The following C2CD3 variants were observed in gnomAD, a reference collection of about 807,000 sequenced individuals.
The protein encoded by C2CD3 is C2 domain containing 3 centriole elongation regulator.
Under a neutral mutation model 234.0 loss-of-function variants are expected in C2CD3, and 148 were observed. That is an observed-to-expected ratio of 0.63 (90% CI 0.55 to 0.72). C2CD3 has a LOEUF of 0.72. Ranked by LOEUF, C2CD3 falls within the 30% of genes least tolerant of loss-of-function variation. The pLI, the probability that C2CD3 is intolerant of heterozygous loss-of-function variation, is 0.00. For missense variants in C2CD3, 2,577 were observed against 2,811.5 expected, an observed-to-expected ratio of 0.92 and a Z score of 1.89; for synonymous variants, 1,000 against 1,035.4, an observed-to-expected ratio of 0.97 and a Z score of 0.66.
chr11:74,054,453 C>T (rs987724505), intron 26 of C2CD3, among the ~76,000 whole-genome samples, 154 bp downstream of exon 26: 1 of 146,866 alleles, frequency 6.8e-6, no homozygotes, highest in African/African-American at 2.5e-5. Flanking sequence ...GGGGGATTAC[C>T]CTCTACCACA....
In C2CD3 at chr11:74,116,890, G is replaced by GTATATATACACACGTGTATGTATATA. The variant is rs1247868857; in HGVS notation, c.1520+1312_1520+1337dup. Among the ~76,000 whole-genome samples the GTATATATACACACGTGTATGTATATA allele has an allele frequency of 5.3e-5, 6 of 112,642 alleles. No homozygotes were observed. The South Asian group carries it at 1.1e-3, about 22-fold the overall frequency. 73.9% of individuals were successfully genotyped at this position (112,642 alleles called of 152,430 possible). A position where few individuals can be genotyped will look rare whatever the true frequency, so the allele number is the denominator to read the frequency against. Reference sequence around the variant, plus strand: ...CGTGTATATGTATATATACACACGTGTATATATACACACGTGTATGTATAT... The same window carrying GTATATATACACACGTGTATGTATATA: ...CGTGTATATGTATATATACACACGTGTATATATACACACGTGTATGTATATATATATATACACACGTGTATGTATAT... On this transcript the variant is annotated intron_variant, in intron 9 of 32. Transcript: ENST00000334126.
chr11:74,057,273 A>G, intron 25 of C2CD3, 133 bp downstream of exon 25: 1 of 856,644 alleles, frequency 1.2e-6, no homozygotes, highest in Non-Finnish European at 1.9e-6. Flanking sequence ...CTAGGATTAA[A>G]TAATTGCTTG....
At chr11:74,146,959 A>C (rs1004001048) in intron 3 of C2CD3, among the ~76,000 whole-genome samples, 1 of 152,116 alleles carries the variant, frequency 6.6e-6, no homozygotes, top group African/African-American at 2.4e-5. Flanking sequence ...AGGCTGAGGC[A>C]GGAGAATTGC....
At chr11:74,117,367 T>TATATATATATATATATATAC (rs1957058540) in intron 9 of C2CD3, among the ~76,000 whole-genome samples, 2 of 65,592 alleles carry the variant, frequency 3.0e-5, no homozygotes, top group African/African-American at 2.5e-4. Flanking sequence ...CTCAAATATA[T>TATATATATATATATATATAC]ATATATATAT....
At chr11:74,079,438 G>A (rs1955230001) in intron 22 of C2CD3, among the ~76,000 whole-genome samples, 1 of 151,746 alleles carries the variant, frequency 6.6e-6, no homozygotes, top group African/African-American at 2.4e-5. Flanking sequence ...TGATACCCAG[G>A]CTGGTCTTGA....
chr11:74,089,268 A>G (rs1955783483), intron 20 of C2CD3, among the ~76,000 whole-genome samples: 1 of 152,154 alleles, frequency 6.6e-6, no homozygotes, highest in South Asian at 2.1e-4. Flanking sequence ...ATACCCATAT[A>G]ACAAATCTGC....
intron 11 of C2CD3, among the ~76,000 whole-genome samples, chr11:74,109,904 C>T (rs1212617953): frequency 6.7e-6 from 1 of 149,414 alleles, no homozygotes; most frequent in Non-Finnish European, 1.5e-5. Flanking sequence ...AACCCCGTCT[C>T]TACTAAAAAT....
At chr11:74,144,923 T>C (rs1393045139) in intron 3 of C2CD3, among the ~76,000 whole-genome samples, 1 of 152,228 alleles carries the variant, frequency 6.6e-6, no homozygotes, top group Non-Finnish European at 1.5e-5. Context: ...CATGTGCATA[T>C]GTCTTTGTGA....
chr11:74,019,759 C>T (rs1952014747), intron 32 of C2CD3, among the ~76,000 whole-genome samples: 1 of 152,138 alleles, frequency 6.6e-6, no homozygotes, highest in African/African-American at 2.4e-5. Context: ...TCACTGCAAC[C>T]TCTGCCTCCC....
At chr11:74,079,879 A>G (rs75518211) in intron 22 of C2CD3, among the ~76,000 whole-genome samples, 2,655 of 152,234 alleles carry the variant, frequency 0.017, 34 homozygotes, top group Non-Finnish European at 0.028. Flanking sequence ...TGAATATTAT[A>G]TAATATTATA....
intron 6 of C2CD3, 65 bp from the exon 7 acceptor site, chr11:74,133,037 C>T: frequency 3.4e-6 from 5 of 1,475,132 alleles, no homozygotes; most frequent in Non-Finnish European, 4.7e-6. Context: ...AAATCATAAT[C>T]ACTTCGTACA....
In C2CD3 at chr11:74,113,679, CAA is replaced by C. The variant is rs548567656; in HGVS notation, c.1843+99_1843+100del. 0.061 allele frequency: 27,384 copies of C among 447,852 alleles called. No homozygotes were observed. Among genetic ancestry groups the C allele is most frequent in the East Asian group, 0.081 (1,993 of 24,650 alleles). 27.7% of individuals were successfully genotyped at this position (447,852 alleles called of 1,614,324 possible). On this transcript the variant is annotated intron_variant, in intron 11 of 32. Coordinates refer to ENST00000334126, the MANE Select transcript of C2CD3 (RefSeq NM_001286577.2). ...TGGGCGAAAGAGTGAGACTCCATGT[CAA>C]AAAAAAAAAAAAAAAAAAAGTCAAA...
rs765277492 is a variant in C2CD3 at position 74,049,460 on chromosome 11, G to A, written c.5238C>T (p.Asn1746=). 2.5e-6 allele frequency: 4 copies of A among 1,613,014 alleles called. No homozygotes were observed. The highest frequency in any genetic ancestry group is 3.4e-6 in the Non-Finnish European group (4 of 1,179,912). The change falls in exon 27 of 33, where the codon AAC becomes AAT. Residue 1746 remains asparagine, a synonymous_variant. Transcript: ENST00000334126. Reference sequence around the variant, plus strand: ...GGCACTCTCCACTGAAGTCTGTGATGTTGTACCAGCCACAGACAAACTGGA... The same window carrying A: ...GGCACTCTCCACTGAAGTCTGTGATATTGTACCAGCCACAGACAAACTGGA... ...SGFQFVCGWY[N]ITDFSGECQG... is the part of the protein sequence containing the mutation.
intron 24 of C2CD3, among the ~76,000 whole-genome samples, chr11:74,062,485 C>G (rs1169597326): frequency 6.6e-6 from 1 of 152,158 alleles, no homozygotes; most frequent in East Asian, 1.9e-4. Context: ...CAAAACTGCT[C>G]AACTACATGG....
intron 22 of C2CD3, among the ~76,000 whole-genome samples, chr11:74,082,115 C>A (rs1955400033): frequency 6.8e-6 from 1 of 147,210 alleles, no homozygotes; most frequent in African/African-American, 2.5e-5. Context: ...ATGATACTGG[C>A]TGTGGATATT....
At chr11:74,147,399 A>G (rs1420334186) in intron 3 of C2CD3, among the ~76,000 whole-genome samples, 1 of 152,238 alleles carries the variant, frequency 6.6e-6, no homozygotes, top group Non-Finnish European at 1.5e-5. Flanking sequence ...CTTGGGCAAC[A>G]GAGCAAGACC....
chr11:74,014,483 C>T (rs1465059354), intron 32 of C2CD3, among the ~76,000 whole-genome samples: 2 of 152,210 alleles, frequency 1.3e-5, no homozygotes, highest in Non-Finnish European at 2.9e-5. Flanking sequence ...AGACTGGGAC[C>T]ACCTACCCCC....
chr11:74,149,097 T>G (rs1451282940), intron 3 of C2CD3, among the ~76,000 whole-genome samples: 1 of 152,184 alleles, frequency 6.6e-6, no homozygotes, highest in African/African-American at 2.4e-5. Flanking sequence ...CATGATTATG[T>G]CTATACTTTG....
chr11:74,013,857 T>C (rs926600459), intron 32 of C2CD3, among the ~76,000 whole-genome samples: 1 of 152,220 alleles, frequency 6.6e-6, no homozygotes, highest in Non-Finnish European at 1.5e-5. Context: ...CAGGATAGGT[T>C]TGAATCCTCA....
Sources: gnomAD v4.1 joint callset for allele counts (sites outside exome capture counted in the v4.1 genomes callset) on GRCh38, gnomAD v4.1.1 for gene constraint, MANE v1.5 for transcripts, NCBI Gene and HGNC (gene_info 2026-07-23, HGNC 2026-07-21) for gene names.